EXOC4: variants seen among roughly 807,000 people sequenced by gnomAD.
The protein encoded by EXOC4 is exocyst complex component 4.
In EXOC4, 71 loss-of-function variants were observed where a neutral mutation model predicts 107.2. That is an observed-to-expected ratio of 0.66 (90% confidence interval 0.55 to 0.81). The LOEUF is 0.81. Among genes scored for constraint, EXOC4 ranks in the 30% least tolerant of loss-of-function variants. The pLI, the probability that EXOC4 is intolerant of heterozygous loss-of-function variation, is 0.00. For synonymous variants in EXOC4, 456 were observed against 441.2 expected (o/e 1.03, Z -0.42); for missense variants, 1,108 against 1,189.6 (o/e 0.93, Z 1.01).
chr7:133,331,891 TCTC>T (rs1303021233), intron 5 of EXOC4, among the ~76,000 whole-genome samples: 1 of 152,190 alleles, frequency 6.6e-6, no homozygotes, highest in African/African-American at 2.4e-5. Flanking sequence ...TTTCTCTTAT[TCTC>T]CTCAGTCACA....
At chr7:133,948,315 G>A (rs1170139334) in intron 14 of EXOC4, among the ~76,000 whole-genome samples, 1 of 152,156 alleles carries the variant, frequency 6.6e-6, no homozygotes, top group Admixed American at 6.5e-5. Flanking sequence ...GAAAGAGTGT[G>A]TCTTTCCATT....
chr7:133,463,168 T>C (rs1161954870), intron 7 of EXOC4, among the ~76,000 whole-genome samples: 8 of 152,060 alleles, frequency 5.3e-5, no homozygotes, highest in African/African-American at 1.9e-4. Flanking sequence ...ACATGAAGTG[T>C]GTAGTATTAA....
intron 10 of EXOC4, among the ~76,000 whole-genome samples, chr7:133,773,571 C>A (rs1562991449): frequency 6.6e-6 from 1 of 151,854 alleles, no homozygotes; most frequent in Non-Finnish European, 1.5e-5. Flanking sequence ...GCAGATCATA[C>A]CATACCCAAA....
chr7:133,368,471 C>G lies in EXOC4; in HGVS notation c.1008-6357C>G, dbSNP rs371760991. Reference sequence around the variant, plus strand: ...GAGTATCTATTATCTCCTTTCCTTCCCTCTAGATGGTAAATGTTAAAGATA... The same window carrying G: ...GAGTATCTATTATCTCCTTTCCTTCGCTCTAGATGGTAAATGTTAAAGATA... On this transcript the variant is annotated intron_variant, in intron 6 of 17. Coordinates refer to ENST00000253861, the MANE Select transcript of EXOC4 (RefSeq NM_021807.4). Among the ~76,000 whole-genome samples the G allele has an allele frequency of 2.0e-5, 3 of 152,220 alleles. No individual in the cohort carries two copies. The East Asian group carries it at 5.8e-4, about 29-fold the overall frequency.
At chr7:133,516,187 G>A (rs970224482) in intron 9 of EXOC4, among the ~76,000 whole-genome samples, 3 of 152,146 alleles carry the variant, frequency 2.0e-5, no homozygotes, top group African/African-American at 7.2e-5. Flanking sequence ...GTTTTAAAAA[G>A]CAGCTGTATG....
At chr7:133,795,652 C>T (rs1796798353) in intron 10 of EXOC4, among the ~76,000 whole-genome samples, 1 of 152,144 alleles carries the variant, frequency 6.6e-6, no homozygotes, top group Non-Finnish European at 1.5e-5. Flanking sequence ...TTGCCTTTTC[C>T]ATTCCTGAGG....
chr7:133,899,871 G>C (rs1422503058), intron 12 of EXOC4, among the ~76,000 whole-genome samples: 1 of 149,618 alleles, frequency 6.7e-6, no homozygotes, highest in Non-Finnish European at 1.5e-5. Flanking sequence ...TCAGCCTCCT[G>C]AGTAGCTGGG....
chr7:133,376,532 GA>G (rs371463659), intron 7 of EXOC4, among the ~76,000 whole-genome samples: 194 of 152,300 alleles, frequency 1.3e-3, no homozygotes, highest in African/African-American at 4.5e-3. Context: ...TGAGAAAAAA[GA>G]ACACACTAGG....
chr7:133,269,885 G>A (rs1055083550), intron 1 of EXOC4, among the ~76,000 whole-genome samples: 2 of 152,126 alleles, frequency 1.3e-5, no homozygotes, highest in African/African-American at 4.8e-5. Context: ...GCTCCTTAAA[G>A]ACTGTGCCTT....
intron 10 of EXOC4, among the ~76,000 whole-genome samples, chr7:133,816,365 T>G (rs1797369228): frequency 6.6e-6 from 1 of 152,148 alleles, no homozygotes; most frequent in Non-Finnish European, 1.5e-5. Flanking sequence ...AATAAGAATT[T>G]TAATAAATCT....
intron 10 of EXOC4, among the ~76,000 whole-genome samples, chr7:133,764,868 C>A (rs548027898): frequency 6.6e-6 from 1 of 152,050 alleles, no homozygotes; most frequent in South Asian, 2.1e-4. Context: ...TGGGAAGGAG[C>A]AAATTCAAAA....
At chr7:133,553,363 T>C (rs1800628864) in intron 9 of EXOC4, among the ~76,000 whole-genome samples, 1 of 152,182 alleles carries the variant, frequency 6.6e-6, no homozygotes, top group Non-Finnish European at 1.5e-5. Context: ...ATGTGTTGAG[T>C]AGCCCTGAAA....
chr7:133,378,892 C>T (rs1796552641), intron 7 of EXOC4, among the ~76,000 whole-genome samples: 1 of 151,962 alleles, frequency 6.6e-6, no homozygotes, highest in Admixed American at 6.6e-5. Flanking sequence ...TTACATTAGA[C>T]ATAAATCGAC....
At chr7:133,395,930 TTGTTTTA>T (rs1319049362) in intron 7 of EXOC4, among the ~76,000 whole-genome samples, 3 of 152,170 alleles carry the variant, frequency 2.0e-5, no homozygotes, top group Non-Finnish European at 2.9e-5. Context: ...TTTTTTTAAT[TTGTTTTA>T]TGTTAGCCTT....
At chr7:133,826,489 T>G (rs565566817) in intron 11 of EXOC4, among the ~76,000 whole-genome samples, 1 of 152,296 alleles carries the variant, frequency 6.6e-6, no homozygotes, top group Admixed American at 6.5e-5. Flanking sequence ...CTCTCATGTA[T>G]AAAATGAGAA....
rs1157691032 is a variant in EXOC4 at position 133,789,900 on chromosome 7, ACAT to A, written c.1515-27424_1515-27422del. ...TAACTCTCCATCTTAGATGTAGTCA[ACAT>A]ATTGATCATAGGTTTTAAAGTATCC... On this transcript the variant is annotated intron_variant, in intron 10 of 17. Coordinates refer to ENST00000253861, the MANE Select transcript of EXOC4 (RefSeq NM_021807.4). Among the ~76,000 whole-genome samples the A allele has an allele frequency of 8.5e-5, 13 of 152,348 alleles. No individual in the cohort carries two copies. The South Asian group carries it at 2.3e-3, about 27-fold the overall frequency.
chr7:133,314,775 T>G (rs1794952031), intron 4 of EXOC4, among the ~76,000 whole-genome samples: 1 of 152,212 alleles, frequency 6.6e-6, no homozygotes, highest in South Asian at 2.1e-4. Flanking sequence ...TTCCTGCTGA[T>G]TGATACCTTA....
intron 5 of EXOC4, among the ~76,000 whole-genome samples, chr7:133,328,447 T>C (rs1017171044): frequency 4.6e-5 from 7 of 152,204 alleles, no homozygotes; most frequent in African/African-American, 1.7e-4. Flanking sequence ...AATATTGTTA[T>C]GTGTGAATTT....
intron 6 of EXOC4, among the ~76,000 whole-genome samples, chr7:133,363,959 T>C (rs1025731721): frequency 6.6e-6 from 1 of 152,122 alleles, no homozygotes; most frequent in Admixed American, 6.6e-5. Context: ...CATATATGAT[T>C]AAAGCACCTT....
Sources: allele counts gnomAD v4.1 joint callset (sites outside exome capture counted in the v4.1 genomes callset), GRCh38; gene constraint gnomAD v4.1.1; transcripts MANE v1.5; gene names NCBI Gene and HGNC (gene_info 2026-07-23, HGNC 2026-07-21).